The following KANK1 variants were observed in gnomAD, a reference collection of about 807,000 sequenced individuals.
KANK1 encodes KN motif and ankyrin repeat domain-containing protein 1.
KANK1 carries 109 observed loss-of-function variants against 106.2 expected under a neutral mutation model. The ratio of observed to expected loss-of-function variants is 1.03; its 90% CI spans 0.88 to 1.20. The LOEUF (loss-of-function observed/expected upper bound fraction) is 1.20. Among genes scored for constraint, KANK1 ranks in the 50% most tolerant of loss-of-function variants. The pLI is 0.00. For synonymous variants in KANK1, 873 were observed against 652.2 expected (o/e 1.34, Z -5.16); for missense variants, 2,399 against 1,710.7 (o/e 1.40, Z -7.10).
chr9:710,895 A>T lies in KANK1; in HGVS notation c.129A>T (p.Leu43Phe), dbSNP rs758067074. The change falls in exon 3 of 12, where the codon TTA becomes TTT. Residue 43 changes from leucine to phenylalanine, a missense_variant. Leu to Phe is a conservative substitution (Grantham distance 22). Coordinates refer to ENST00000382297, the MANE Select transcript of KANK1 (RefSeq NM_015158.5). ...CCCCCTATGGTTATCAACTAGACTT[A>T]GATTTCCTCAAATATGTGGATGACA... ...VETPYGYQLD[L>F]DFLKYVDDIQ... 2 of 1,614,192 alleles carry T rather than the reference A, an allele frequency of 1.2e-6. No individual in the cohort carries two copies. Among genetic ancestry groups the T allele is most frequent in the South Asian group, 2.2e-5 (2 of 91,084 alleles).
chr9:485,818 C>T (rs905920060), intron 3 of KANK1, among the ~76,000 whole-genome samples: 12 of 150,438 alleles, frequency 8.0e-5, no homozygotes, highest in Admixed American at 2.0e-4. Flanking sequence ...CTGCAGTGAG[C>T]CAAGATCGTG....
chr9:681,586 G>A (rs12342627), intron 2 of KANK1, among the ~76,000 whole-genome samples: 9,501 of 152,130 alleles, frequency 0.062, 374 homozygotes, highest in African/African-American at 0.11. Flanking sequence ...AGGTGGTTGT[G>A]CAGGGAAAAA....
chr9:661,752 G>C (rs71488147), intron 1 of KANK1, among the ~76,000 whole-genome samples: 103,264 of 151,706 alleles, frequency 0.68, 35,505 homozygotes, highest in East Asian at 0.97. Flanking sequence ...CTGTGTAAAA[G>C]TGTTCCTGTT....
intron 1 of KANK1, among the ~76,000 whole-genome samples, chr9:533,850 C>T (rs1191344510): frequency 6.6e-6 from 1 of 152,192 alleles, no homozygotes; most frequent in Non-Finnish European, 1.5e-5. Context: ...ATGTAGTTGC[C>T]TCTAAGCCAT....
At chr9:509,368 T>C (rs12335857) in intron 1 of KANK1, among the ~76,000 whole-genome samples, 23,787 of 152,158 alleles carry the variant, frequency 0.16, 3,334 homozygotes, top group African/African-American at 0.38. Flanking sequence ...AGTGCTGTGA[T>C]TACAGGCGTG....
chr9:648,879 G>A (rs550800538), intron 1 of KANK1, among the ~76,000 whole-genome samples: 1 of 152,290 alleles, frequency 6.6e-6, no homozygotes, highest in East Asian at 1.9e-4. Context: ...ATAATCCAGG[G>A]ATGAGACTCT....
intron 2 of KANK1, among the ~76,000 whole-genome samples, chr9:680,375 C>CT (rs113821767): frequency 0.13 from 19,946 of 152,092 alleles, 1,572 homozygotes; most frequent in Admixed American, 0.17. Context: ...TATACTCTGA[C>CT]TTCCCCTTGG....
At chr9:744,425 T>G in intron 10 of KANK1, 66 bp from the exon 11 acceptor site, 1 of 1,546,338 alleles carries the variant, frequency 6.5e-7, no homozygotes, top group Admixed American at 1.8e-5. Context: ...TTTTGTTCTG[T>G]TACCTTTCGG....
At chr9:594,691 A>G (rs1825797353) in intron 1 of KANK1, among the ~76,000 whole-genome samples, 1 of 151,964 alleles carries the variant, frequency 6.6e-6, no homozygotes, top group African/African-American at 2.4e-5. Context: ...CCACAATTAT[A>G]GATGTGTCTG....
intron 3 of KANK1, among the ~76,000 whole-genome samples, chr9:715,081 C>T (rs1248172618): frequency 6.6e-6 from 1 of 152,168 alleles, no homozygotes. Context: ...TAGGTTTCCA[C>T]TTTCAAACCT....
chr9:652,210 A>C (rs1395857279), intron 1 of KANK1, among the ~76,000 whole-genome samples: 1 of 152,160 alleles, frequency 6.6e-6, no homozygotes, highest in Non-Finnish European at 1.5e-5. Context: ...TATATGTAGA[A>C]GTACATTCAT....
intron 2 of KANK1, among the ~76,000 whole-genome samples, chr9:681,970 T>C (rs1330937772): frequency 6.6e-6 from 1 of 152,166 alleles, no homozygotes; most frequent in Non-Finnish European, 1.5e-5. Context: ...TTAAAGATGC[T>C]TATTGAATTG....
rs1293403152 is a variant in KANK1, at chr9:643,934, T to C, written c.-83-32956T>C. Among the ~76,000 whole-genome samples the C allele has an allele frequency of 1.3e-5, 2 of 150,766 alleles. 1 individual carries two copies. Among genetic ancestry groups the C allele is most frequent in the African/African-American group, 5.0e-5 (2 of 40,174 alleles). ...CCCAGGCTGGTCTCGAACTCCTGACTTCAGTTGAGGCACCCGCCTTGGCCT... is the reference window on the plus strand; with the variant it reads ...CCCAGGCTGGTCTCGAACTCCTGACCTCAGTTGAGGCACCCGCCTTGGCCT... On this transcript the variant is annotated intron_variant, in intron 1 of 11. Coordinates refer to ENST00000382297, the MANE Select transcript of KANK1 (RefSeq NM_015158.5).
rs565218324 is a variant in KANK1, at chr9:731,485, G to A, written c.3005+219G>A. 10 of 406,330 alleles carry A rather than the reference G, an allele frequency of 2.5e-5. 1 individual carries two copies. In the South Asian group the frequency reaches 2.6e-4, roughly 10 times the overall value. The allele number at this position is 406,330 out of a possible 1,614,324, so 25.2% of individuals were successfully genotyped here. ...TCTTAAGGATACCTGATGAAGCTGAGCGGTTTACATCTCCTCACCTCTGAT... is the reference window on the plus strand; with the variant it reads ...TCTTAAGGATACCTGATGAAGCTGAACGGTTTACATCTCCTCACCTCTGAT... On this transcript the variant is annotated intron_variant, in intron 5 of 11. Coordinates refer to ENST00000382297, the MANE Select transcript of KANK1 (RefSeq NM_015158.5).
intron 2 of KANK1, chr9:470,873 C>G (rs1462118786): frequency 6.6e-6 from 1 of 152,276 alleles, no homozygotes; most frequent in Admixed American, 6.5e-5. Context: ...ACTGAAGTTC[C>G]TTGAGAGCAG....
chr9:601,158 G>GT (rs1468233360), intron 1 of KANK1, among the ~76,000 whole-genome samples: 1 of 151,802 alleles, frequency 6.6e-6, no homozygotes, highest in Non-Finnish European at 1.5e-5. Flanking sequence ...TGTTGCAAAG[G>GT]TAGTACGGGG....
chr9:671,295 T>C (rs1845843570), intron 1 of KANK1, among the ~76,000 whole-genome samples: 1 of 152,060 alleles, frequency 6.6e-6, no homozygotes. Flanking sequence ...TTGACATTCA[T>C]ATAAAGAACA....
chr9:659,028 C>A (rs1298249365), intron 1 of KANK1, among the ~76,000 whole-genome samples: 1 of 152,176 alleles, frequency 6.6e-6, no homozygotes, highest in Non-Finnish European at 1.5e-5. Flanking sequence ...TCCTTCGTAG[C>A]ATTTAGCATA....
chr9:731,263 G>C lies in KANK1; in HGVS notation c.3002G>C (p.Gly1001Ala). 6.4e-7 allele frequency: 1 copy of C among 1,573,324 alleles called. No individual in the cohort carries two copies. The highest frequency in any genetic ancestry group is 8.7e-7 in the Non-Finnish European group (1 of 1,143,900). The part of the protein sequence containing the change: ...KKNLQFVGIN[G>A]GYETTSSDDS... The stretch of plus-strand genomic sequence containing the variant: ...AATCTTCAGTTTGTTGGCATTAATG[G>C]AGGGTAAGGAAAGATGGTGGTTCTA... Residue 1001 changes from glycine to alanine, a missense_variant, in exon 5 of 12, where the codon GGA becomes GCA. Gly to Ala is a moderately conservative substitution (Grantham distance 60). Coordinates refer to ENST00000382297, the MANE Select transcript of KANK1 (RefSeq NM_015158.5).
Sources: allele counts gnomAD v4.1 joint callset (sites outside exome capture counted in the v4.1 genomes callset), GRCh38; gene constraint gnomAD v4.1.1; transcripts MANE v1.5; gene names NCBI Gene and HGNC (gene_info 2026-07-23, HGNC 2026-07-21).